Variants in ADAMTS18 observed in about 807,000 individuals in gnomAD.
The protein encoded by ADAMTS18 is ADAM metallopeptidase with thrombospondin type 1 motif 18.
A neutral mutation model predicts 165.9 loss-of-function variants in ADAMTS18; 157 were observed. The ratio of observed to expected loss-of-function variants is 0.95; its 90% CI spans 0.83 to 1.08. The LOEUF (loss-of-function observed/expected upper bound fraction) is 1.08, where lower values mean the gene tolerates loss of function less well. Among genes scored for constraint, ADAMTS18 ranks in the 50% least tolerant of loss-of-function variants. The pLI is 0.00. For synonymous variants in ADAMTS18, 782 were observed against 578.2 expected, an observed-to-expected ratio of 1.35 and a Z score of -5.06; for missense variants, 2,040 against 1,534.0, an observed-to-expected ratio of 1.33 and a Z score of -5.51.
intron 11 of ADAMTS18, among the ~76,000 whole-genome samples, chr16:77,338,159 C>A (rs1257353908): frequency 6.6e-6 from 1 of 152,124 alleles, no homozygotes; most frequent in African/African-American, 2.4e-5. Context: ...CCACCTTGGC[C>A]TCCGAAAGTG....
intron 16 of ADAMTS18, among the ~76,000 whole-genome samples, chr16:77,305,850 G>A (rs1245082034): frequency 6.6e-6 from 1 of 152,234 alleles, no homozygotes; most frequent in African/African-American, 2.4e-5. Context: ...CTTCCTCTAC[G>A]AATGCCAGGG....
At chr16:77,332,665 C>T (rs1371093940) in intron 12 of ADAMTS18, among the ~76,000 whole-genome samples, 1 of 152,134 alleles carries the variant, frequency 6.6e-6, no homozygotes. Flanking sequence ...ACATCTCACA[C>T]ATGTTTCATG....
chr16:77,429,829 A>C (rs2057717115), intron 3 of ADAMTS18, among the ~76,000 whole-genome samples: 1 of 152,198 alleles, frequency 6.6e-6, no homozygotes, highest in Non-Finnish European at 1.5e-5. Flanking sequence ...CTGCTATGGC[A>C]CTTTCCACAT....
intron 3 of ADAMTS18, among the ~76,000 whole-genome samples, chr16:77,395,373 T>C (rs756394738): frequency 6.6e-6 from 1 of 152,194 alleles, no homozygotes; most frequent in Non-Finnish European, 1.5e-5. Flanking sequence ...GGCTCCATCA[T>C]GGTAGCCTCA....
At chr16:77,352,827 T>C (rs775057103) in intron 10 of ADAMTS18, among the ~76,000 whole-genome samples, 11 of 152,096 alleles carry the variant, frequency 7.2e-5, no homozygotes, top group Non-Finnish European at 1.5e-4. Flanking sequence ...CTTTTTAGTA[T>C]GGGCCGGGCG....
intron 5 of ADAMTS18, 151 bp from the exon 6 acceptor site, chr16:77,364,036 A>C: frequency 7.8e-7 from 1 of 1,277,548 alleles, no homozygotes. Context: ...ACTTAAAAAA[A>C]TAAAACCACA....
intron 2 of ADAMTS18, among the ~76,000 whole-genome samples, chr16:77,432,737 C>T (rs1005845537): frequency 2.0e-4 from 30 of 151,154 alleles, no homozygotes; most frequent in African/African-American, 6.6e-4. Flanking sequence ...TTCTCTTTTC[C>T]CTAAACAGTC....
intron 20 of ADAMTS18, 189 bp downstream of exon 20, chr16:77,292,887 T>C (rs945808136): frequency 1.9e-4 from 109 of 586,048 alleles, no homozygotes; most frequent in African/African-American, 1.6e-3. Flanking sequence ...TGGCGCAATC[T>C]CAGCTCACTG....
chr16:77,403,849 C>T (rs1444647394), intron 3 of ADAMTS18, among the ~76,000 whole-genome samples: 1 of 152,140 alleles, frequency 6.6e-6, no homozygotes, highest in Non-Finnish European at 1.5e-5. Flanking sequence ...AAGGAAGGGA[C>T]ACGATGCCAT....
intron 3 of ADAMTS18, among the ~76,000 whole-genome samples, chr16:77,411,374 T>C (rs926317481): frequency 1.3e-5 from 2 of 152,214 alleles, no homozygotes; most frequent in Non-Finnish European, 2.9e-5. Context: ...AGGGCCATAT[T>C]GCTTTCTGGA....
In ADAMTS18 at chr16:77,415,688, C is replaced by T. The variant is rs75524562; in HGVS notation, c.495+15607G>A. ...GGTAGATCCTTAAGGAAAGCTTCAA[C>T]GTTATCAGATGACTGGAGTAATGAA... On this transcript the variant is annotated intron_variant, in intron 3 of 22. Coordinates refer to ENST00000282849, the MANE Select transcript of ADAMTS18 (RefSeq NM_199355.4). 1.3e-3 allele frequency among the ~76,000 whole-genome samples: 167 copies of T among 132,048 alleles called. No homozygotes were observed. In the East Asian group the frequency reaches 0.022, roughly 17 times the overall value. The allele number at this position is 132,048 out of a possible 152,430, so 86.6% of individuals were successfully genotyped here.
At chr16:77,395,907 A>G (rs12596244) in intron 3 of ADAMTS18, among the ~76,000 whole-genome samples, 18,743 of 152,202 alleles carry the variant, frequency 0.12, 1,416 homozygotes, top group East Asian at 0.23. Context: ...CCAAGCTTCA[A>G]TGATAGTCAT....
intron 9 of ADAMTS18, 84 bp downstream of exon 9, chr16:77,355,856 C>T (rs770139172): frequency 5.7e-5 from 87 of 1,517,136 alleles, no homozygotes; most frequent in Non-Finnish European, 7.0e-5. Context: ...GGTATTTCCA[C>T]TGAGTATTCG....
At chr16:77,362,987 C>A (rs1412688920) in intron 6 of ADAMTS18, among the ~76,000 whole-genome samples, 1 of 152,174 alleles carries the variant, frequency 6.6e-6, no homozygotes, top group Non-Finnish European at 1.5e-5. Flanking sequence ...AAGCTGTTAA[C>A]TTCTGTAGCT....
chr16:77,311,408 T>C (rs2055777718), intron 16 of ADAMTS18, among the ~76,000 whole-genome samples: 1 of 152,248 alleles, frequency 6.6e-6, no homozygotes, highest in Non-Finnish European at 1.5e-5. Flanking sequence ...ATAGCTGTTG[T>C]ATGGAAAGGC....
chr16:77,403,987 G>A (rs1365231749), intron 3 of ADAMTS18, among the ~76,000 whole-genome samples: 1 of 143,898 alleles, frequency 6.9e-6, no homozygotes, highest in African/African-American at 2.6e-5. Flanking sequence ...TAAACTGGAA[G>A]CAACCCACCC....
intron 17 of ADAMTS18, among the ~76,000 whole-genome samples, chr16:77,299,475 G>A (rs963592048): frequency 2.0e-5 from 3 of 152,066 alleles, no homozygotes; most frequent in Admixed American, 2.0e-4. Flanking sequence ...CTGTATCTTT[G>A]CTCTGTCTCT....
At chr16:77,400,083 T>C (rs1403256373) in intron 3 of ADAMTS18, among the ~76,000 whole-genome samples, 2 of 152,052 alleles carry the variant, frequency 1.3e-5, no homozygotes, top group Admixed American at 1.3e-4. Flanking sequence ...CTAATACAAT[T>C]TAAAATGGAA....
chr16:77,297,623 A>G (rs1327154497), intron 17 of ADAMTS18, among the ~76,000 whole-genome samples: 1 of 152,050 alleles, frequency 6.6e-6, no homozygotes, highest in Non-Finnish European at 1.5e-5. Context: ...TATTTTAATA[A>G]TTGTAACATG....
Sources: gnomAD v4.1 joint callset for allele counts (sites outside exome capture counted in the v4.1 genomes callset) on GRCh38, gnomAD v4.1.1 for gene constraint, MANE v1.5 for transcripts, NCBI Gene and HGNC (gene_info 2026-07-23, HGNC 2026-07-21) for gene names.